Variants in DENR observed in about 807,000 individuals in gnomAD.
DENR encodes density regulated re-initiation and release factor.
In DENR, 6 loss-of-function variants were observed where a neutral mutation model predicts 30.6. That is an observed-to-expected ratio of 0.20 (90% CI 0.11 to 0.39). The LOEUF (loss-of-function observed/expected upper bound fraction) is 0.39. Ranked by LOEUF, DENR falls within the 10% of genes least tolerant of loss-of-function variation. The pLI, the probability that DENR is intolerant of heterozygous loss-of-function variation, is 1.00. For synonymous variants in DENR, 78 were observed against 72.1 expected, an observed-to-expected ratio of 1.08 and a Z score of -0.41; for missense variants, 141 against 230.9, an observed-to-expected ratio of 0.61 and a Z score of 2.52.
At position 122,770,422 on chromosome 12, in the gene DENR, G is replaced by T. The variant is rs878986883; in HGVS notation, c.*1344G>T. Reference sequence around the variant, plus strand: ...CCCAGATACATTTTAGACATTTATCGTCATCATCTGCTCTGAGTGGAAGGC... The same window carrying T: ...CCCAGATACATTTTAGACATTTATCTTCATCATCTGCTCTGAGTGGAAGGC... On this transcript the variant is annotated 3_prime_UTR_variant, in exon 8 of 8. Coordinates refer to ENST00000280557, the MANE Select transcript of DENR (RefSeq NM_003677.5). 9 of 390,450 alleles carry T rather than the reference G, an allele frequency of 2.3e-5. No individual in the cohort carries two copies. The highest frequency in any genetic ancestry group is 2.2e-4 in the Admixed American group (5 of 22,476). 24.2% of individuals were successfully genotyped at this position (390,450 alleles called of 1,614,324 possible). A position where few individuals can be genotyped will look rare whatever the true frequency, so the allele number is the denominator to read the frequency against.
At chr12:122,768,751 G>A in intron 6 of DENR, 31 bp from the exon 7 acceptor site, 1 of 1,514,200 alleles carries the variant, frequency 6.6e-7, no homozygotes. Context: ...TCCAATTACA[G>A]TTCTTGCTCT....
intron 2 of DENR, among the ~76,000 whole-genome samples, chr12:122,761,218 T>A (rs1343702080): frequency 6.6e-6 from 1 of 150,426 alleles, no homozygotes. Context: ...TTGAGACCAG[T>A]CTGGCCAACA....
chr12:122,768,390 C>A (rs1472857861), intron 6 of DENR, among the ~76,000 whole-genome samples: 1 of 151,918 alleles, frequency 6.6e-6, no homozygotes, highest in Non-Finnish European at 1.5e-5. Flanking sequence ...CCCAGCTGTT[C>A]AGGAGGCTGA....
At chr12:122,764,140 C>T (rs74341792) in intron 4 of DENR, among the ~76,000 whole-genome samples, 10,079 of 152,054 alleles carry the variant, frequency 0.066, 1,055 homozygotes, top group African/African-American at 0.22. Context: ...ATTGAAGGAC[C>T]GGAGAAGAGT....
chr12:122,757,346 A>G (rs752710515), intron 2 of DENR, among the ~76,000 whole-genome samples: 78 of 152,202 alleles, frequency 5.1e-4, no homozygotes, highest in Non-Finnish European at 9.4e-4. Flanking sequence ...TCTCCTGGAA[A>G]CTGAGCTTAA....
At chr12:122,767,397 AACTT>A (rs1346335828) in intron 5 of DENR, 87 bp from the exon 6 acceptor site, 29 of 829,892 alleles carry the variant, frequency 3.5e-5, no homozygotes, top group African/African-American at 1.0e-4. Context: ...GAGAAAAAGA[AACTT>A]AAACCTTTTG....
At chr12:122,762,966 C>T (rs1403619489) in intron 4 of DENR, 37 bp downstream of exon 4, 2 of 1,194,626 alleles carry the variant, frequency 1.7e-6, no homozygotes, top group Non-Finnish European at 1.2e-6. Flanking sequence ...AACTTCTGTA[C>T]CTGAGACAAA....
chr12:122,766,325 G>A (rs1878849499), intron 5 of DENR, among the ~76,000 whole-genome samples: 1 of 152,076 alleles, frequency 6.6e-6, no homozygotes, highest in South Asian at 2.1e-4. Flanking sequence ...TTCCTTCCTA[G>A]GTCTCCTATC....
intron 4 of DENR, among the ~76,000 whole-genome samples, chr12:122,764,353 A>G (rs1878787900): frequency 2.0e-5 from 3 of 152,298 alleles, no homozygotes; most frequent in Non-Finnish European, 4.4e-5. Flanking sequence ...TAATCCCAGC[A>G]CTTTGGGAGG....
At chr12:122,756,310 A>C (rs796435585) in intron 2 of DENR, among the ~76,000 whole-genome samples, 3 of 152,100 alleles carry the variant, frequency 2.0e-5, no homozygotes, top group African/African-American at 7.2e-5. Context: ...TTAGCTGGGC[A>C]TAGTGGCAGG....
chr12:122,765,788 C>T (rs1233701295), intron 5 of DENR, among the ~76,000 whole-genome samples: 1 of 152,022 alleles, frequency 6.6e-6, no homozygotes, highest in Non-Finnish European at 1.5e-5. Flanking sequence ...TGCTTATTTG[C>T]CCTGTTTGTA....
intron 5 of DENR, among the ~76,000 whole-genome samples, chr12:122,766,429 A>T (rs973775432): frequency 1.3e-5 from 2 of 152,082 alleles, no homozygotes; most frequent in Non-Finnish European, 2.9e-5. Context: ...CTTACTTCTC[A>T]TTCTGCACGT....
At chr12:122,758,541 A>C (rs980742972) in intron 2 of DENR, among the ~76,000 whole-genome samples, 1 of 152,148 alleles carries the variant, frequency 6.6e-6, no homozygotes, top group Non-Finnish European at 1.5e-5. Flanking sequence ...ACAGTGGCTC[A>C]CACCTTTAAT....
At chr12:122,761,444 A>T (rs1163343594) in intron 2 of DENR, among the ~76,000 whole-genome samples, 3 of 152,164 alleles carry the variant, frequency 2.0e-5, no homozygotes, top group African/African-American at 7.2e-5. Flanking sequence ...TATTGCAAAA[A>T]GATGGTAGTA....
intron 1 of DENR, 138 bp from the exon 2 acceptor site, chr12:122,753,555 C>A: frequency 1.5e-6 from 1 of 659,266 alleles, no homozygotes; most frequent in Non-Finnish European, 2.7e-6. Flanking sequence ...TTTTATGAAT[C>A]GAATGCAGCT....
intron 3 of DENR, among the ~76,000 whole-genome samples, chr12:122,762,462 C>G (rs1404884094): frequency 6.6e-6 from 1 of 152,066 alleles, no homozygotes; most frequent in Non-Finnish European, 1.5e-5. Flanking sequence ...TATGAATAGT[C>G]AGCTAATAAA....
rs1200367711 is a variant in DENR, at chr12:122,770,303, G to C, written c.*1225G>C. On this transcript the variant is annotated 3_prime_UTR_variant, in exon 8 of 8. Transcript: ENST00000280557. ...ATTGGGAAATGGTTAAAGAAGTGAT[G>C]GTGCATTGTGTGGTAGAATATTATG... The C allele has an allele frequency of 1.7e-5, 4 of 230,972 alleles. No individual in the cohort carries two copies. Among genetic ancestry groups the C allele is most frequent in the Non-Finnish European group, 2.5e-5 (3 of 121,186 alleles). 14.3% of individuals were successfully genotyped at this position (230,972 alleles called of 1,614,324 possible). A position where few individuals can be genotyped will look rare whatever the true frequency, so the allele number is the denominator to read the frequency against.
chr12:122,754,853 G>T (rs1878504763), intron 2 of DENR, among the ~76,000 whole-genome samples: 1 of 152,188 alleles, frequency 6.6e-6, no homozygotes, highest in Non-Finnish European at 1.5e-5. Context: ...TAAGTGCCTT[G>T]CTGAGAGTGT....
rs371824659 is a variant in DENR, at chr12:122,753,777, G to A, written c.76G>A (p.Asp26Asn). The A allele has an allele frequency of 6.2e-7, 1 of 1,613,922 alleles. No individual in the cohort carries two copies. Among genetic ancestry groups the A allele is most frequent in the Non-Finnish European group, 8.5e-7 (1 of 1,179,858 alleles). The change falls in exon 2 of 8, where the codon GAT (aspartate) becomes AAT (asparagine). Residue 26 changes from aspartate (D) to asparagine (N), a missense_variant. By Grantham distance (23) the Asp-to-Asn change is conservative. This residue lies in a region of DENR where 104 missense variants were observed against 138.3 expected (regional missense o/e 0.75). Coordinates refer to ENST00000280557, the MANE Select transcript of DENR (RefSeq NM_003677.5). Reference sequence around the variant, plus strand: ...AAGGAACAGTGCCAAGTTAGATGCCGATTACCCACTTCGAGTCCTTTATTG... The same window carrying A: ...AAGGAACAGTGCCAAGTTAGATGCCAATTACCCACTTCGAGTCCTTTATTG... ...DPRNSAKLDA[D>N]YPLRVLYCGV... is the part of the protein sequence containing the mutation.
Sources: allele counts gnomAD v4.1 joint callset (sites outside exome capture counted in the v4.1 genomes callset), GRCh38; gene constraint gnomAD v4.1.1; regional missense constraint gnomAD v4.1.1; transcripts MANE v1.5; gene names NCBI Gene and HGNC (gene_info 2026-07-23, HGNC 2026-07-21).